The following UBE2E2 variants were observed in gnomAD, a reference collection of about 807,000 sequenced individuals.
UBE2E2 encodes the protein ubiquitin-conjugating enzyme E2 E2.
UBE2E2 carries 6 observed loss-of-function variants against 24.7 expected under a neutral mutation model. The ratio of observed to expected loss-of-function variants is 0.24; its 90% CI spans 0.13 to 0.48. The LOEUF is 0.48. UBE2E2 is among the 20% of genes least tolerant of loss of function. The pLI is 0.99. For missense variants in UBE2E2, 169 were observed against 245.0 expected, an observed-to-expected ratio of 0.69 and a Z score of 2.07; for synonymous variants, 104 against 83.6, an observed-to-expected ratio of 1.24 and a Z score of -1.33.
chr3:23,404,140 T>TCA (rs200433392), intron 3 of UBE2E2, among the ~76,000 whole-genome samples: 16 of 151,428 alleles, frequency 1.1e-4, no homozygotes, highest in Admixed American at 2.0e-4. Flanking sequence ...GATTACACAC[T>TCA]CACACACACA....
At chr3:23,445,915 C>T (rs563983704) in intron 3 of UBE2E2, among the ~76,000 whole-genome samples, 1 of 152,274 alleles carries the variant, frequency 6.6e-6, no homozygotes, top group Middle Eastern at 3.4e-3. Context: ...CAAGGATCAG[C>T]ATTGTGACTT....
chr3:23,277,133 A>G (rs191829126), intron 3 of UBE2E2, among the ~76,000 whole-genome samples: 8 of 152,266 alleles, frequency 5.3e-5, no homozygotes, highest in Non-Finnish European at 4.4e-5. Flanking sequence ...AGATTTAACT[A>G]TGGTTGGCAG....
intron 3 of UBE2E2, among the ~76,000 whole-genome samples, chr3:23,308,477 T>C (rs1047012780): frequency 1.1e-4 from 16 of 152,232 alleles, no homozygotes; most frequent in Non-Finnish European, 1.6e-4. Context: ...TTTACACAAA[T>C]AAATATTAAG....
At chr3:23,235,467 G>T (rs1453956010) in intron 3 of UBE2E2, among the ~76,000 whole-genome samples, 2 of 151,978 alleles carry the variant, frequency 1.3e-5, no homozygotes, top group Non-Finnish European at 2.9e-5. Context: ...GTGGGCAGGG[G>T]AATGCTGTTG....
At chr3:23,543,084 C>CA (rs1695430834) in intron 5 of UBE2E2, among the ~76,000 whole-genome samples, 1 of 152,140 alleles carries the variant, frequency 6.6e-6, no homozygotes, top group Non-Finnish European at 1.5e-5. Context: ...GAGGCCAAGG[C>CA]AGGAGGATCA....
At chr3:23,445,120 GCTTTTCAACATT>G (rs1279172929) in intron 3 of UBE2E2, among the ~76,000 whole-genome samples, 2 of 152,142 alleles carry the variant, frequency 1.3e-5, no homozygotes, top group East Asian at 3.8e-4. Flanking sequence ...TTTAGCAATA[GCTTTTCAACATT>G]GGTGAGAGGA....
intron 5 of UBE2E2, among the ~76,000 whole-genome samples, chr3:23,568,639 A>G (rs1313451911): frequency 2.0e-5 from 3 of 147,866 alleles, no homozygotes; most frequent in Non-Finnish European, 4.5e-5. Context: ...ATGTATACAT[A>G]TATACGCACA....
At chr3:23,336,512 T>C (rs745655856) in intron 3 of UBE2E2, among the ~76,000 whole-genome samples, 1 of 152,224 alleles carries the variant, frequency 6.6e-6, no homozygotes, top group Non-Finnish European at 1.5e-5. Flanking sequence ...TCAGTGGCAG[T>C]GACAGAACAT....
chr3:23,466,403 T>C lies in UBE2E2; in HGVS notation c.228-33205T>C, dbSNP rs143489234. Reference sequence around the variant, plus strand: ...ATGACAGAGTCTTGATCATCCTGCCTTTGTGGCATTCTGTAATGAAAACTT... The same window carrying C: ...ATGACAGAGTCTTGATCATCCTGCCCTTGTGGCATTCTGTAATGAAAACTT... On this transcript the variant is annotated intron_variant, in intron 3 of 5. Transcript: ENST00000396703. 1.6e-3 allele frequency among the ~76,000 whole-genome samples: 250 copies of C among 152,316 alleles called. 5 individuals carry two copies. Among genetic ancestry groups the C allele is most frequent in the East Asian group, 0.015 (79 of 5,176 alleles).
At chr3:23,499,541 T>C (rs2125455699) in intron 3 of UBE2E2, 67 bp from the exon 4 acceptor site, 1 of 1,552,944 alleles carries the variant, frequency 6.4e-7, no homozygotes, top group South Asian at 1.2e-5. Flanking sequence ...TTATCATAAA[T>C]AGATTTTGTT....
intron 5 of UBE2E2, among the ~76,000 whole-genome samples, chr3:23,569,760 A>G (rs1007278055): frequency 6.6e-6 from 1 of 152,174 alleles, no homozygotes; most frequent in Non-Finnish European, 1.5e-5. Flanking sequence ...TTCTAAAAGG[A>G]CATTTTATAT....
chr3:23,372,359 G>C (rs987956350), intron 3 of UBE2E2, among the ~76,000 whole-genome samples: 1 of 152,086 alleles, frequency 6.6e-6, no homozygotes, highest in East Asian at 1.9e-4. Context: ...GATACCACTG[G>C]AAGAAAAACT....
At chr3:23,502,685 G>A (rs757733813) in intron 4 of UBE2E2, among the ~76,000 whole-genome samples, 7 of 152,088 alleles carry the variant, frequency 4.6e-5, no homozygotes, top group Non-Finnish European at 8.8e-5. Context: ...AATAAGGCGA[G>A]CAAAACAATT....
chr3:23,325,480 TGTAGGTCCTTTA>T (rs1472298797), intron 3 of UBE2E2, among the ~76,000 whole-genome samples: 3 of 152,200 alleles, frequency 2.0e-5, no homozygotes, highest in Non-Finnish European at 4.4e-5. Flanking sequence ...TTTGAACACT[TGTAGGTCCTTTA>T]GTATACAGAA....
At chr3:23,486,346 C>T (rs1465693315) in intron 3 of UBE2E2, among the ~76,000 whole-genome samples, 2 of 152,166 alleles carry the variant, frequency 1.3e-5, no homozygotes, top group African/African-American at 4.8e-5. Context: ...CTCAGAGATG[C>T]CAGGAACTTC....
At chr3:23,419,478 T>TA (rs771364920) in intron 3 of UBE2E2, among the ~76,000 whole-genome samples, 17 of 152,186 alleles carry the variant, frequency 1.1e-4, no homozygotes, top group Non-Finnish European at 2.2e-4. Context: ...CAACAGTGCC[T>TA]AGCCTGGAAG....
intron 2 of UBE2E2, among the ~76,000 whole-genome samples, chr3:23,209,144 G>C (rs1696243220): frequency 6.6e-6 from 1 of 152,134 alleles, no homozygotes; most frequent in Non-Finnish European, 1.5e-5. Flanking sequence ...TATACAGGGT[G>C]TGTATGTAAA....
chr3:23,513,698 T>C (rs1034210747), intron 4 of UBE2E2, among the ~76,000 whole-genome samples: 17 of 152,224 alleles, frequency 1.1e-4, no homozygotes, highest in Non-Finnish European at 2.4e-4. Flanking sequence ...CCTCTTTTCC[T>C]ACATCCTTAT....
intron 3 of UBE2E2, among the ~76,000 whole-genome samples, chr3:23,279,104 G>T (rs1330158540): frequency 1.3e-5 from 2 of 151,874 alleles, no homozygotes; most frequent in African/African-American, 2.4e-5. Flanking sequence ...CTTATTTTTT[G>T]TTGTTGTAAT....
Sources: gnomAD v4.1 joint callset for allele counts (sites outside exome capture counted in the v4.1 genomes callset) on GRCh38, gnomAD v4.1.1 for gene constraint, MANE v1.5 for transcripts, NCBI Gene and HGNC (gene_info 2026-07-23, HGNC 2026-07-21) for gene names.